PYGB: variants seen among roughly 807,000 people sequenced by gnomAD.
PYGB encodes the protein glycogen phosphorylase B.
Under a neutral mutation model 94.3 loss-of-function variants are expected in PYGB, and 82 were observed. The ratio of observed to expected loss-of-function variants is 0.87; its 90% confidence interval spans 0.73 to 1.04. The LOEUF is 1.04. Among genes scored for constraint, PYGB ranks in the 50% least tolerant of loss-of-function variants. The pLI is 0.00. For synonymous variants in PYGB, 488 were observed against 479.1 expected (o/e 1.02, Z -0.24); for missense variants, 1,132 against 1,158.2 (o/e 0.98, Z 0.33).
chr20:25,272,320 A>T (rs1433382055), intron 4 of PYGB, among the ~76,000 whole-genome samples: 1 of 152,162 alleles, frequency 6.6e-6, no homozygotes, highest in Non-Finnish European at 1.5e-5. Flanking sequence ...TTGGGGTGGG[A>T]GTGGCAAGGG....
At chr20:25,275,897 C>T (rs2088306885) in intron 5 of PYGB, among the ~76,000 whole-genome samples, 1 of 152,222 alleles carries the variant, frequency 6.6e-6, no homozygotes, top group South Asian at 2.1e-4. Context: ...CCCCGGTGCG[C>T]CGCCTGTGTG....
chr20:25,257,422 C>G (rs927726158), intron 1 of PYGB, among the ~76,000 whole-genome samples: 1 of 152,226 alleles, frequency 6.6e-6, no homozygotes, highest in African/African-American at 2.4e-5. Context: ...CTGTCCCTTA[C>G]AAACAGAGAT....
chr20:25,249,943 G>A (rs1294096674), intron 1 of PYGB, among the ~76,000 whole-genome samples: 1 of 151,656 alleles, frequency 6.6e-6, no homozygotes, highest in Non-Finnish European at 1.5e-5. Flanking sequence ...TCCGCCTCCC[G>A]GGTTCAAGCA....
Position 25,278,460 on chromosome 20 carries a change from A to C in PYGB, c.997A>C (p.Lys333Gln). Residue 333 changes from lysine to glutamine, a missense_variant and splice_region_variant, in exon 8 of 20, where the codon AAG becomes CAG. Lys to Gln is a moderately conservative substitution (Grantham distance 53). Transcript: ENST00000216962. Reference protein sequence around the residue: ...VRTCFETFPDKVAIQLNDTHP... With the variant: ...VRTCFETFPDQVAIQLNDTHP... ...AACCTGTTTCGAGACGTTCCCAGACAAGGTGCATGGTGGCCCTGGGAGGGA... is the reference window on the plus strand; with the variant it reads ...AACCTGTTTCGAGACGTTCCCAGACCAGGTGCATGGTGGCCCTGGGAGGGA... 2 of 1,614,100 alleles carry C rather than the reference A, an allele frequency of 1.2e-6. No individual in the cohort carries two copies. The highest frequency in any genetic ancestry group is 1.7e-6 in the Non-Finnish European group (2 of 1,179,966).
At chr20:25,284,317 G>GT in intron 14 of PYGB, 66 bp downstream of exon 14, 1 of 1,570,114 alleles carries the variant, frequency 6.4e-7, no homozygotes, top group East Asian at 2.3e-5. Context: ...CCCGCCAGCT[G>GT]TGCACAGACC....
chr20:25,293,600 C>T (rs2088494922), intron 17 of PYGB, among the ~76,000 whole-genome samples: 1 of 152,236 alleles, frequency 6.6e-6, no homozygotes, highest in Non-Finnish European at 1.5e-5. Context: ...GGCCCGAGCA[C>T]AGAGGCCTGT....
intron 16 of PYGB, 147 bp downstream of exon 16, chr20:25,290,769 G>C (rs563121806): frequency 1.7e-6 from 2 of 1,186,380 alleles, no homozygotes; most frequent in Non-Finnish European, 2.4e-6. Flanking sequence ...AGCAGGGAAC[G>C]GCTTTAGGGA....
chr20:25,292,350 C>T (rs954938014), intron 16 of PYGB, 56 bp from the exon 17 acceptor site: 15 of 1,579,868 alleles, frequency 9.5e-6, no homozygotes, highest in African/African-American at 4.0e-5. Context: ...GTGAGCCTTG[C>T]GGCTGAGGAC....
Position 25,294,223 on chromosome 20 carries a change from G to A in PYGB, c.2243G>A (p.Ser748Asn), listed in dbSNP as rs1286844559. 3.1e-6 allele frequency: 5 copies of A among 1,613,606 alleles called. No homozygotes were observed. The African/African-American group carries it at 4.0e-5, about 13-fold the overall frequency. The change falls in exon 18 of 20, where the codon AGT (serine) becomes AAT (asparagine). Residue 748 changes from serine to asparagine, a missense_variant. Ser to Asn is a conservative substitution (Grantham distance 46). Coordinates refer to ENST00000216962, the MANE Select transcript of PYGB (RefSeq NM_002862.4). ...AAGCAGGCCGTGGACCAGATCAGCAGTGGCTTTTTTTCTCCCAAGGAGCCA... is the reference window on the plus strand; with the variant it reads ...AAGCAGGCCGTGGACCAGATCAGCAATGGCTTTTTTTCTCCCAAGGAGCCA... ...ELKQAVDQISSGFFSPKEPDC... is the reference protein window; with the variant it reads ...ELKQAVDQISNGFFSPKEPDC...
At chr20:25,261,094 C>CTT (rs1256298318) in intron 2 of PYGB, among the ~76,000 whole-genome samples, 2 of 152,222 alleles carry the variant, frequency 1.3e-5, no homozygotes, top group African/African-American at 4.8e-5. Flanking sequence ...CTTCTGCAGA[C>CTT]AAATGTCTCT....
intron 14 of PYGB, 29 bp downstream of exon 14, chr20:25,284,280 C>A: frequency 6.2e-7 from 1 of 1,600,800 alleles, no homozygotes; most frequent in Non-Finnish European, 8.5e-7. Flanking sequence ...TGCATGACCG[C>A]GCTGTGGGGC....
intron 16 of PYGB, among the ~76,000 whole-genome samples, chr20:25,291,367 C>T (rs1414725330): frequency 6.6e-6 from 1 of 152,164 alleles, no homozygotes; most frequent in Non-Finnish European, 1.5e-5. Context: ...GTGCTCCCCT[C>T]CTGCCGCCGA....
intron 1 of PYGB, among the ~76,000 whole-genome samples, chr20:25,248,826 G>C (rs1367605875): frequency 6.6e-6 from 1 of 152,278 alleles, no homozygotes; most frequent in Non-Finnish European, 1.5e-5. Context: ...AATGGGACTG[G>C]AACCAGGCCT....
At chr20:25,290,115 T>TTCCGAATGTGTCCCTCCAGTGTG (rs2088452554) in intron 15 of PYGB, among the ~76,000 whole-genome samples, 5 of 152,230 alleles carry the variant, frequency 3.3e-5, no homozygotes, top group Admixed American at 3.3e-4. Context: ...GCCTGGCTCT[T>TTCCGAATGTGTCCCTCCAGTGTG]TCCGAATGTG....
chr20:25,257,852 G>A (rs2092905638), intron 1 of PYGB, among the ~76,000 whole-genome samples: 2 of 152,146 alleles, frequency 1.3e-5, no homozygotes, highest in Non-Finnish European at 2.9e-5. Flanking sequence ...CAGTGCCTGT[G>A]GCTTCCTCTG....
In PYGB at chr20:25,248,513, T is replaced by C. The variant is rs906177767; in HGVS notation, c.243+92T>C. 1.4e-4 allele frequency: 175 copies of C among 1,253,978 alleles called. No individual in the cohort carries two copies. In the East Asian group the frequency reaches 5.5e-3, roughly 40 times the overall value. The allele number at this position is 1,253,978 out of a possible 1,614,324, so 77.7% of individuals were successfully genotyped here. Reference sequence around the variant, plus strand: ...GCGGGGGTCTCTGCGGGGCGGCCCGTCGGGCGTTACCTGCGCCCCTAGCCG... The same window carrying C: ...GCGGGGGTCTCTGCGGGGCGGCCCGCCGGGCGTTACCTGCGCCCCTAGCCG... On this transcript the variant is annotated intron_variant, in intron 1 of 19. Transcript: ENST00000216962.
Position 25,296,757 on chromosome 20 carries a change from G to C in PYGB, c.*235G>C. ...GCCAGAGTTGACAGTACAAAGGGTC[G>C]TGGCCAGCCCTGCAGCTTCAGCACC... is the stretch of plus-strand genomic sequence containing the variant. On this transcript the variant is annotated 3_prime_UTR_variant, in exon 20 of 20. Transcript: ENST00000216962. The C allele has an allele frequency of 1.8e-6, 1 of 560,572 alleles. No individual in the cohort carries two copies. The highest frequency in any genetic ancestry group is 3.0e-6 in the Non-Finnish European group (1 of 328,564). The allele number at this position is 560,572 out of a possible 1,614,324, so 34.7% of individuals were successfully genotyped here. A position where few individuals can be genotyped will look rare whatever the true frequency, so the allele number is the denominator to read the frequency against.
rs1222973914 is a variant in PYGB, at chr20:25,248,094, G to A, written c.-85G>A. On this transcript the variant is annotated 5_prime_UTR_variant, in exon 1 of 20. Transcript: ENST00000216962. ...CGCAGTGCCGGGCGCCAGAGCAGCG[G>A]CGCCAGAGCAGCTGCACCATCCCGG... 6.6e-6 allele frequency: 9 copies of A among 1,354,440 alleles called. No homozygotes were observed. The African/African-American group carries it at 7.2e-5, about 11-fold the overall frequency. The allele number at this position is 1,354,440 out of a possible 1,614,324, so 83.9% of individuals were successfully genotyped here.
Position 25,271,474 on chromosome 20 carries a change from C to G in PYGB, c.516C>G (p.Val172=), listed in dbSNP as rs200440077. The G allele has an allele frequency of 2.0e-5, 33 of 1,612,924 alleles. No individual in the cohort carries two copies. The South Asian group carries it at 3.4e-4, about 17-fold the overall frequency. ...YEFGIFNQKI[V]NGWQVEEADD... ...TTGGGATTTTTAACCAGAAGATTGT[C>G]AATGGCTGGCAGGTGGGTGAGATTT... is the stretch of plus-strand genomic sequence containing the variant. Residue 172 remains valine (V), a synonymous_variant, in exon 4 of 20, where the codon GTC becomes GTG. Transcript: ENST00000216962.
Sources: allele counts gnomAD v4.1 joint callset (sites outside exome capture counted in the v4.1 genomes callset), GRCh38; gene constraint gnomAD v4.1.1; transcripts MANE v1.5; gene names NCBI Gene and HGNC (gene_info 2026-07-23, HGNC 2026-07-21).